ANGPTL2: variants seen among roughly 807,000 people sequenced by gnomAD.
ANGPTL2 encodes angiopoietin like 2.
In ANGPTL2, 25 loss-of-function variants were observed where a neutral mutation model predicts 52.8. The observed-to-expected ratio is 0.47, with a 90% CI of 0.35 to 0.66. The LOEUF (loss-of-function observed/expected upper bound fraction) is 0.66. Ranked by LOEUF, ANGPTL2 falls within the 30% of genes least tolerant of loss-of-function variation. The probability of loss-of-function intolerance (pLI) is 0.01; values close to 1 mark genes in which losing one functional copy is unlikely to be tolerated. For missense variants in ANGPTL2, 546 were observed against 656.9 expected (o/e 0.83, Z 1.84); for synonymous variants, 276 against 277.4 (o/e 1.00, Z 0.05).
chr9:127,113,745 G>A (rs551369575), intron 1 of ANGPTL2, among the ~76,000 whole-genome samples: 13 of 152,220 alleles, frequency 8.5e-5, no homozygotes, highest in Non-Finnish European at 1.5e-4. Context: ...ACTGTGCCAC[G>A]TGACAGCCTT....
intron 2 of ANGPTL2, among the ~76,000 whole-genome samples, chr9:127,107,507 A>AC (rs1412930929): frequency 6.6e-6 from 1 of 152,042 alleles, no homozygotes; most frequent in Non-Finnish European, 1.5e-5. Context: ...CTTTTGGCCC[A>AC]TTGTTTATTT....
intron 4 of ANGPTL2, among the ~76,000 whole-genome samples, chr9:127,090,697 A>C (rs940603371): frequency 4.6e-5 from 7 of 152,192 alleles, no homozygotes; most frequent in Non-Finnish European, 8.8e-5. Flanking sequence ...GACCAAGACC[A>C]CATAGGAAAT....
chr9:127,099,635 C>T (rs1030940612), intron 2 of ANGPTL2, among the ~76,000 whole-genome samples: 5 of 152,128 alleles, frequency 3.3e-5, no homozygotes, highest in South Asian at 2.1e-4. Context: ...TGGGGGTCTT[C>T]GAATCTCATT....
At chr9:127,095,284 G>C in intron 2 of ANGPTL2, among the ~76,000 whole-genome samples, 1 of 152,136 alleles carries the variant, frequency 6.6e-6, no homozygotes, top group Non-Finnish European at 1.5e-5. Context: ...TGTGATCCCA[G>C]CTACCCGGGA....
At chr9:127,112,933 TGCCC>T (rs2054997693) in intron 1 of ANGPTL2, among the ~76,000 whole-genome samples, 1 of 152,224 alleles carries the variant, frequency 6.6e-6, no homozygotes, top group African/African-American at 2.4e-5. Context: ...ACTAGTGTTA[TGCCC>T]ATTTCTAGGC....
chr9:127,099,691 A>G (rs1206594645), intron 2 of ANGPTL2, among the ~76,000 whole-genome samples: 1 of 152,220 alleles, frequency 6.6e-6, no homozygotes, highest in African/African-American at 2.4e-5. Context: ...GGATGTATAT[A>G]TATTCTATGT....
In ANGPTL2 at chr9:127,101,905, T is replaced by C. The variant is rs117265721; in HGVS notation, c.817+6010A>G. On this transcript the variant is annotated intron_variant, in intron 2 of 4. Transcript: ENST00000373425. ...TTCAAAAATATCAGGGAAAAGTAAC[T>C]TATTTTTTTTTAAACAAAGGATCAC... Among the ~76,000 whole-genome samples, 5 of 152,340 alleles carry C rather than the reference T, an allele frequency of 3.3e-5. No homozygotes were observed. In the East Asian group the frequency reaches 9.6e-4, roughly 29 times the overall value.
At chr9:127,113,882 C>T (rs540159938) in intron 1 of ANGPTL2, among the ~76,000 whole-genome samples, 1 of 152,368 alleles carries the variant, frequency 6.6e-6, no homozygotes, top group East Asian at 1.9e-4. Flanking sequence ...CCTCTCACCA[C>T]TGTGGTGCCA....
chr9:127,112,791 TG>T (rs1383444885), intron 1 of ANGPTL2, among the ~76,000 whole-genome samples: 1 of 152,274 alleles, frequency 6.6e-6, no homozygotes, highest in Non-Finnish European at 1.5e-5. Flanking sequence ...GTGAGGATGC[TG>T]GGTGTGGGCC....
chr9:127,103,577 C>G (rs2053937031), intron 2 of ANGPTL2, among the ~76,000 whole-genome samples: 1 of 152,182 alleles, frequency 6.6e-6, no homozygotes, highest in South Asian at 2.1e-4. Flanking sequence ...GGTCCATTTG[C>G]TGGGAGTCAG....
Position 127,107,839 on chromosome 9 carries a change from AT to A in ANGPTL2, c.817+75del, listed in dbSNP as rs987455162. 6.3e-6 allele frequency: 9 copies of A among 1,434,796 alleles called. No individual in the cohort carries two copies. In the African/African-American group the frequency reaches 1.3e-4, roughly 21 times the overall value. The allele number at this position is 1,434,796 out of a possible 1,614,324, so 88.9% of individuals were successfully genotyped here. On this transcript the variant is annotated intron_variant, in intron 2 of 4. Coordinates refer to ENST00000373425, the MANE Select transcript of ANGPTL2 (RefSeq NM_012098.3). ...CTTCAACTGGCCATGGCTTTTCCCC[AT>A]TTGTGGACACAGCCAAGGGAAGCCT... is the stretch of plus-strand genomic sequence containing the variant.
At chr9:127,090,992 T>C (rs1290808505) in intron 4 of ANGPTL2, among the ~76,000 whole-genome samples, 1 of 152,232 alleles carries the variant, frequency 6.6e-6, no homozygotes. Context: ...AAGCATGTGA[T>C]CTTAGACAAA....
intron 2 of ANGPTL2, among the ~76,000 whole-genome samples, 169 bp downstream of exon 2, chr9:127,107,746 G>A (rs1016769676): frequency 1.3e-5 from 2 of 152,172 alleles, no homozygotes; most frequent in Non-Finnish European, 2.9e-5. Flanking sequence ...CCTGCCACCC[G>A]TCACCCTGCT....
intron 1 of ANGPTL2, among the ~76,000 whole-genome samples, chr9:127,110,476 A>T (rs896509703): frequency 6.6e-6 from 1 of 152,152 alleles, no homozygotes; most frequent in Non-Finnish European, 1.5e-5. Context: ...TAGTCATCTC[A>T]TCCAGAGGTC....
rs1225599468 is a variant in ANGPTL2, at chr9:127,108,124, T to A, written c.608A>T (p.His203Leu). Reference sequence around the variant, plus strand: ...CCTGGCCGAGGGCACCCTCTGGCAGTGCTCCTCAAGCTGCGCGATGATCTC... The same window carrying A: ...CCTGGCCGAGGGCACCCTCTGGCAGAGCTCCTCAAGCTGCGCGATGATCTC... ...QSEIIAQLEE[H>L]CQRVPSARPV... The change falls in exon 2 of 5, where the codon CAC (histidine) becomes CTC (leucine). Residue 203 changes from histidine to leucine, a missense_variant. Physicochemically the swap from His to Leu is moderately conservative, Grantham distance 99. This residue lies in a region of ANGPTL2 where 285 missense variants were observed against 295.8 expected (regional missense o/e 0.96). Transcript: ENST00000373425. 1.9e-6 allele frequency: 3 copies of A among 1,613,696 alleles called. No homozygotes were observed. Among genetic ancestry groups the A allele is most frequent in the Non-Finnish European group, 8.5e-7 (1 of 1,179,844 alleles).
At position 127,093,936 on chromosome 9, in the gene ANGPTL2, C is replaced by T. The variant is rs1442355713; in HGVS notation, c.818-10G>A. 3.1e-6 allele frequency: 5 copies of T among 1,612,978 alleles called. No individual in the cohort carries two copies. The Admixed American group carries it at 8.3e-5, about 27-fold the overall frequency. On this transcript the variant is annotated splice_polypyrimidine_tract_variant and intron_variant, in intron 2 of 4. Transcript: ENST00000373425. ...CAGTCTCTCCATGGGCCTGGGGACA[C>T]AGACATGCATATACATCACAGACCT... is the stretch of plus-strand genomic sequence containing the variant.
intron 1 of ANGPTL2, among the ~76,000 whole-genome samples, chr9:127,110,201 C>T (rs2054657141): frequency 6.6e-6 from 1 of 152,166 alleles, no homozygotes; most frequent in Non-Finnish European, 1.5e-5. Context: ...TTGCCCGCTC[C>T]CCTTCATTCT....
At position 127,088,909 on chromosome 9, in the gene ANGPTL2, G is replaced by A. The variant is rs767531117; in HGVS notation, c.*30C>T. 6.2e-7 allele frequency: 1 copy of A among 1,613,374 alleles called. No individual in the cohort carries two copies. Among genetic ancestry groups the A allele is most frequent in the Non-Finnish European group, 8.5e-7 (1 of 1,179,284 alleles). Reference sequence around the variant, plus strand: ...GTGACCAGGGTGGGCTCCTGGCAATGGCCACGAGAGGTCAGGAGGGGGAGC... The same window carrying A: ...GTGACCAGGGTGGGCTCCTGGCAATAGCCACGAGAGGTCAGGAGGGGGAGC... On this transcript the variant is annotated 3_prime_UTR_variant, in exon 5 of 5. Transcript: ENST00000373425.
Position 127,088,926 on chromosome 9 carries a change from A to AG in ANGPTL2, c.*12dup. On this transcript the variant is annotated 3_prime_UTR_variant, in exon 5 of 5. Transcript: ENST00000373425. ...CTGGCAATGGCCACGAGAGGTCAGG[A>AG]GGGGGAGCTGGCTTAGTGGAAGGTG... The AG allele has an allele frequency of 6.2e-7, 1 of 1,614,108 alleles. No individual in the cohort carries two copies. Among genetic ancestry groups the AG allele is most frequent in the South Asian group, 1.1e-5 (1 of 91,076 alleles).
Sources: gnomAD v4.1 joint callset for allele counts (sites outside exome capture counted in the v4.1 genomes callset) on GRCh38, gnomAD v4.1.1 for gene constraint, gnomAD v4.1.1 regional missense constraint, MANE v1.5 for transcripts, NCBI Gene and HGNC (gene_info 2026-07-23, HGNC 2026-07-21) for gene names.